Variants in CLHC1 observed in about 807,000 individuals in gnomAD.
The protein encoded by CLHC1 is clathrin heavy chain linker domain containing 1, also known as clathrin heavy chain linker domain-containing protein 1.
CLHC1 carries 72 observed loss-of-function variants against 69.5 expected under a neutral mutation model. The ratio of observed to expected loss-of-function variants is 1.04; its 90% CI spans 0.86 to 1.26. The LOEUF is 1.26. Ranked by LOEUF, CLHC1 falls within the 50% of genes most tolerant of loss-of-function variation. The pLI is 0.00. For missense variants in CLHC1, 790 were observed against 679.3 expected, an observed-to-expected ratio of 1.16 and a Z score of -1.81; for synonymous variants, 223 against 224.3, an observed-to-expected ratio of 0.99 and a Z score of 0.05.
intron 7 of CLHC1, 52 bp downstream of exon 7, chr2:55,209,352 G>A (rs1558494068): frequency 1.0e-5 from 12 of 1,160,936 alleles, no homozygotes; most frequent in South Asian, 8.1e-5. Context: ...ACTAGCTAGC[G>A]AAAAAAATGT....
intron 9 of CLHC1, among the ~76,000 whole-genome samples, 157 bp downstream of exon 9, chr2:55,206,113 T>C (rs1256023693): frequency 6.6e-6 from 1 of 152,192 alleles, no homozygotes; most frequent in African/African-American, 2.4e-5. Flanking sequence ...GAAAATCTAA[T>C]CAAATCCCTA....
intron 9 of CLHC1, among the ~76,000 whole-genome samples, chr2:55,200,647 C>G (rs1269194946): frequency 6.6e-6 from 1 of 152,146 alleles, no homozygotes; most frequent in Non-Finnish European, 1.5e-5. Flanking sequence ...AACACAGAAT[C>G]ATCAGACTTG....
At position 55,209,778 on chromosome 2, in the gene CLHC1, G is replaced by A. The variant is rs555794833; in HGVS notation, c.553C>T (p.His185Tyr). 5 of 1,611,280 alleles carry A rather than the reference G, an allele frequency of 3.1e-6. No individual in the cohort carries two copies. In the African/African-American group the frequency reaches 5.3e-5, roughly 17 times the overall value. ...ATTTCTGCATATTTATCTTCAAGAT[G>A]TTTCATGTATTTAGTGAGAGCATCT... ...NLDALTKYMK[H>Y]LEDKYAEIKQ... Residue 185 changes from histidine (H) to tyrosine (Y), a missense_variant, in exon 6 of 13, where the codon CAT becomes TAT. His to Tyr is a moderately conservative substitution (Grantham distance 83). Coordinates refer to ENST00000401408, the MANE Select transcript of CLHC1 (RefSeq NM_152385.4).
At chr2:55,182,757 G>A (rs988353422) in intron 9 of CLHC1, among the ~76,000 whole-genome samples, 1 of 152,178 alleles carries the variant, frequency 6.6e-6, no homozygotes, top group Admixed American at 6.5e-5. Context: ...TGTTCCTTAA[G>A]GGTGAAGGAG....
rs533096213 is a variant in CLHC1, at chr2:55,209,807, T to C, written c.524A>G (p.Asn175Ser). ...IPGMTLQESM[N>S]LDALTKYMKH... Reference sequence around the variant, plus strand: ...CATGTATTTAGTGAGAGCATCTAGATTCATGGATTCTTGAAGAGTCATGCC... The same window carrying C: ...CATGTATTTAGTGAGAGCATCTAGACTCATGGATTCTTGAAGAGTCATGCC... Residue 175 changes from asparagine to serine, a missense_variant, in exon 6 of 13, where the codon AAT (asparagine) becomes AGT (serine). By Grantham distance (46) the Asn-to-Ser change is conservative. Coordinates refer to ENST00000401408, the MANE Select transcript of CLHC1 (RefSeq NM_152385.4). The C allele has an allele frequency of 1.2e-6, 2 of 1,608,362 alleles. No individual in the cohort carries two copies. The highest frequency in any genetic ancestry group is 2.2e-5 in the South Asian group (2 of 90,980).
chr2:55,181,717 A>C lies in CLHC1; in HGVS notation c.1034T>G (p.Leu345Arg). Residue 345 changes from leucine (L) to arginine (R), a missense_variant, in exon 10 of 13, where the codon CTT (leucine) becomes CGT (arginine). Coordinates refer to ENST00000401408, the MANE Select transcript of CLHC1 (RefSeq NM_152385.4). ...KAVGKIRGKPLPLLLFFEALF... is the reference protein window; with the variant it reads ...KAVGKIRGKPRPLLLFFEALF... ...GGCCTCAAAAAATAAGAGTAATGGA[A>C]GAGGCTTTCCTCTAATTTTTCCAAC... 6.2e-7 allele frequency: 1 copy of C among 1,613,208 alleles called. No homozygotes were observed. The highest frequency in any genetic ancestry group is 2.2e-5 in the East Asian group (1 of 44,818).
At chr2:55,219,053 A>G (rs997886278) in intron 3 of CLHC1, among the ~76,000 whole-genome samples, 1 of 152,190 alleles carries the variant, frequency 6.6e-6, no homozygotes, top group African/African-American at 2.4e-5. Context: ...AGTGGGTGAT[A>G]CTTGTGGTCT....
intron 2 of CLHC1, chr2:55,224,494 T>C: frequency 2.7e-6 from 1 of 373,050 alleles, no homozygotes; most frequent in Non-Finnish European, 5.5e-6. Flanking sequence ...GCAGGCTGTG[T>C]GGCCAGTGTA....
In CLHC1 at chr2:55,177,408, T is replaced by C. The variant is rs535806529; in HGVS notation, c.1564+194A>G. On this transcript the variant is annotated intron_variant, in intron 12 of 12. Transcript: ENST00000401408. ...CATAAAGATACTCCCTTCATTCTAA[T>C]TCTCTCAAGAAATATATCCTATTAC... 2.0e-5 allele frequency among the ~76,000 whole-genome samples: 3 copies of C among 152,344 alleles called. No individual in the cohort carries two copies. In the East Asian group the frequency reaches 5.8e-4, roughly 29 times the overall value.
At chr2:55,210,339 G>A (rs1018895840) in intron 5 of CLHC1, among the ~76,000 whole-genome samples, 1 of 151,942 alleles carries the variant, frequency 6.6e-6, no homozygotes, top group Non-Finnish European at 1.5e-5. Context: ...GGGACTATAG[G>A]CGCCTGCCAC....
chr2:55,179,835 T>C (rs1415135238), intron 11 of CLHC1, among the ~76,000 whole-genome samples: 1 of 152,204 alleles, frequency 6.6e-6, no homozygotes, highest in Non-Finnish European at 1.5e-5. Context: ...TCTTCATTTC[T>C]GATGCTTATA....
intron 4 of CLHC1, among the ~76,000 whole-genome samples, chr2:55,215,665 T>C (rs1159222893): frequency 6.6e-6 from 1 of 152,176 alleles, no homozygotes; most frequent in East Asian, 1.9e-4. Flanking sequence ...GGTGAGTGTT[T>C]CCCAATAGAC....
At chr2:55,198,930 A>G (rs1272595336) in intron 9 of CLHC1, among the ~76,000 whole-genome samples, 1 of 152,174 alleles carries the variant, frequency 6.6e-6, no homozygotes, top group Non-Finnish European at 1.5e-5. Flanking sequence ...TCCTTCAAAC[A>G]CGAAGGAGAA....
At chr2:55,201,768 A>C (rs980951781) in intron 9 of CLHC1, among the ~76,000 whole-genome samples, 3 of 152,162 alleles carry the variant, frequency 2.0e-5, no homozygotes, top group Non-Finnish European at 4.4e-5. Flanking sequence ...ATCATCAACA[A>C]AATACTAGCA....
At chr2:55,220,303 G>A (rs1381891309) in intron 3 of CLHC1, among the ~76,000 whole-genome samples, 1 of 152,124 alleles carries the variant, frequency 6.6e-6, no homozygotes, top group Non-Finnish European at 1.5e-5. Flanking sequence ...AAGAGGGTAG[G>A]AAGAGCAAAG....
intron 9 of CLHC1, among the ~76,000 whole-genome samples, chr2:55,183,384 C>T (rs959340212): frequency 6.6e-6 from 1 of 152,076 alleles, no homozygotes; most frequent in Non-Finnish European, 1.5e-5. Context: ...AGGGCAATGG[C>T]GAGGAAGAAT....
At position 55,181,745 on chromosome 2, in the gene CLHC1, C is replaced by A. The variant is rs760046699; in HGVS notation, c.1007-1G>T. The A allele has an allele frequency of 1.2e-6, 2 of 1,608,408 alleles. No individual in the cohort carries two copies. Among genetic ancestry groups the A allele is most frequent in the Non-Finnish European group, 8.5e-7 (1 of 1,178,402 alleles). On this transcript the variant is annotated splice_acceptor_variant, in intron 9 of 12. Coordinates refer to ENST00000401408, the MANE Select transcript of CLHC1 (RefSeq NM_152385.4). LOFTEE classifies it high-confidence loss of function. Reference sequence around the variant, plus strand: ...GGCTTTCCTCTAATTTTTCCAACAGCTACAGAAAGGAGAAAATTTTCTGAG... The same window carrying A: ...GGCTTTCCTCTAATTTTTCCAACAGATACAGAAAGGAGAAAATTTTCTGAG...
chr2:55,208,044 A>C (rs1044173078), intron 8 of CLHC1, among the ~76,000 whole-genome samples: 3 of 152,204 alleles, frequency 2.0e-5, no homozygotes, highest in Non-Finnish European at 2.9e-5. Context: ...AGGGGATAGA[A>C]GTAATGAGAA....
intron 4 of CLHC1, 32 bp downstream of exon 4, chr2:55,217,779 C>A: frequency 1.4e-6 from 2 of 1,382,074 alleles, no homozygotes; most frequent in Non-Finnish European, 1.9e-6. Context: ...GCAACAACTA[C>A]CATCTTTTGG....
Sources: allele counts gnomAD v4.1 joint callset (sites outside exome capture counted in the v4.1 genomes callset), GRCh38; gene constraint gnomAD v4.1.1; transcripts MANE v1.5; gene names NCBI Gene and HGNC (gene_info 2026-07-23, HGNC 2026-07-21).